The following SHISA9 variants were observed in gnomAD, a reference collection of about 807,000 sequenced individuals.
The protein encoded by SHISA9 is protein shisa-9.
SHISA9 carries 13 observed loss-of-function variants against 38.0 expected under a neutral mutation model. The ratio of observed to expected loss-of-function variants is 0.34; its 90% CI spans 0.22 to 0.54. SHISA9 has a LOEUF of 0.54. SHISA9 is among the 20% of genes least tolerant of loss of function. The pLI, the probability that SHISA9 is intolerant of heterozygous loss-of-function variation, is 0.91. For synonymous variants in SHISA9, 275 were observed against 242.0 expected (o/e 1.14, Z -1.27); for missense variants, 538 against 575.8 (o/e 0.93, Z 0.67).
intron 2 of SHISA9, among the ~76,000 whole-genome samples, chr16:12,971,661 C>T (rs752044318): frequency 2.8e-4 from 42 of 152,134 alleles, no homozygotes; most frequent in Non-Finnish European, 1.6e-4. Flanking sequence ...GCTGTAGGAA[C>T]GACATATCGT....
chr16:13,203,479 G>T lies in SHISA9; in HGVS notation c.777G>T (p.Gln259His), dbSNP rs1463248667. The T allele has an allele frequency of 6.4e-7, 1 of 1,551,388 alleles. No individual in the cohort carries two copies. The highest frequency in any genetic ancestry group is 8.7e-7 in the Non-Finnish European group (1 of 1,146,760). ...CACATTCGTACCCGAACCTGGGCCA[G>T]ATCTCCAACCCCTATGAACAGCAGC... ...GHPHSYPNLG[Q>H]ISNPYEQQPP... Residue 259 changes from glutamine (Q) to histidine (H), a missense_variant, in exon 3 of 5, where the codon CAG becomes CAT. By Grantham distance (24) the Gln-to-His change is conservative (BLOSUM62 0). Transcript: ENST00000558583.
the SHISA9 span, among the ~76,000 whole-genome samples, chr16:13,409,001 C>A: frequency 2.0e-5 from 3 of 152,308 alleles, no homozygotes; most frequent in South Asian, 2.1e-4. Flanking sequence ...GCCTGCCACA[C>A]CCCACTATCC....
chr16:13,540,281 C>G, the SHISA9 span, among the ~76,000 whole-genome samples: 2 of 152,048 alleles, frequency 1.3e-5, no homozygotes, highest in Non-Finnish European at 2.9e-5. Context: ...ACTCTTATAA[C>G]TTCAATGCAG....
At chr16:13,207,798 T>C (rs1303467239) in intron 3 of SHISA9, among the ~76,000 whole-genome samples, 2 of 152,214 alleles carry the variant, frequency 1.3e-5, no homozygotes, top group East Asian at 1.9e-4. Flanking sequence ...TAAAGCATAA[T>C]GTGATCATGG....
rs776345610 is a variant in SHISA9 at position 13,169,922 on chromosome 16, G to A, written c.692-33472G>A. On this transcript the variant is annotated intron_variant, in intron 2 of 4. Transcript: ENST00000558583. ...ATAGGTATTTAAAATACATGTTCAG[G>A]CCGGGTGCGGTGGCTCATCCCTATA... Among the ~76,000 whole-genome samples the A allele has an allele frequency of 4.3e-4, 65 of 152,096 alleles. 1 individual carries two copies. Among genetic ancestry groups the A allele is most frequent in the Non-Finnish European group, 7.8e-4 (53 of 68,018 alleles).
chr16:13,324,895 C>A, the SHISA9 span, among the ~76,000 whole-genome samples: 1 of 152,110 alleles, frequency 6.6e-6, no homozygotes, highest in African/African-American at 2.4e-5. Context: ...TATCTCAAAG[C>A]GGGGGCTTCC....
At chr16:13,542,283 T>C in the SHISA9 span, among the ~76,000 whole-genome samples, 6 of 152,326 alleles carry the variant, frequency 3.9e-5, no homozygotes, top group Non-Finnish European at 4.4e-5. Flanking sequence ...TGTGGTCATT[T>C]ATCACAGCAG....
chr16:13,179,840 C>T (rs903280822), intron 2 of SHISA9, among the ~76,000 whole-genome samples: 5 of 152,202 alleles, frequency 3.3e-5, no homozygotes, highest in Admixed American at 2.0e-4. Context: ...CCCTCTACTG[C>T]GTCTTCCTGG....
the SHISA9 span, among the ~76,000 whole-genome samples, chr16:13,306,140 T>C: frequency 6.6e-6 from 1 of 152,196 alleles, no homozygotes; most frequent in Non-Finnish European, 1.5e-5. Flanking sequence ...ACTATGTTTT[T>C]TGAATGAATG....
intron 2 of SHISA9, among the ~76,000 whole-genome samples, chr16:13,157,129 G>A (rs770023241): frequency 1.3e-5 from 2 of 151,726 alleles, no homozygotes; most frequent in Non-Finnish European, 1.5e-5. Context: ...TTCTTCTTAC[G>A]TGTTTATTCA....
chr16:12,930,649 G>A lies in SHISA9; in HGVS notation c.691+13834G>A, dbSNP rs145122684. ...TTAATATTTATGACATGACTATGTC[G>A]TGTTGATGTGAATAATAATGAAAAA... is the stretch of plus-strand genomic sequence containing the variant. On this transcript the variant is annotated intron_variant, in intron 2 of 4. Coordinates refer to ENST00000558583, the MANE Select transcript of SHISA9 (RefSeq NM_001145204.3). Among the ~76,000 whole-genome samples the A allele has an allele frequency of 5.2e-3, 795 of 152,154 alleles. 3 individuals are homozygous for A. The highest frequency in any genetic ancestry group is 8.4e-3 in the Non-Finnish European group (574 of 68,012).
At chr16:13,220,666 GA>G (rs537105534) in intron 4 of SHISA9, among the ~76,000 whole-genome samples, 19 of 150,062 alleles carry the variant, frequency 1.3e-4, no homozygotes, top group East Asian at 9.7e-4. Flanking sequence ...TGAATTTCTG[GA>G]AAAAAAAAAT....
At chr16:13,087,888 C>A (rs2073731288) in intron 2 of SHISA9, among the ~76,000 whole-genome samples, 1 of 152,056 alleles carries the variant, frequency 6.6e-6, no homozygotes, top group African/African-American at 2.4e-5. Flanking sequence ...AGTTATGAAG[C>A]CCTTGCCCAT....
intron 2 of SHISA9, among the ~76,000 whole-genome samples, chr16:13,008,474 G>A (rs1490718139): frequency 1.3e-5 from 2 of 152,116 alleles, no homozygotes; most frequent in Non-Finnish European, 2.9e-5. Flanking sequence ...TAATCCCCAC[G>A]TGTTGAGGGA....
chr16:13,540,280 A>G, the SHISA9 span, among the ~76,000 whole-genome samples: 1 of 151,892 alleles, frequency 6.6e-6, no homozygotes, highest in African/African-American at 2.4e-5. Context: ...CACTCTTATA[A>G]CTTCAATGCA....
chr16:13,264,973 C>A, the SHISA9 span, among the ~76,000 whole-genome samples: 1 of 146,460 alleles, frequency 6.8e-6, no homozygotes, highest in East Asian at 2.1e-4. Flanking sequence ...CCCTGTTTTT[C>A]CCCTCCTCTT....
intron 2 of SHISA9, among the ~76,000 whole-genome samples, chr16:13,086,418 G>T (rs2073711600): frequency 1.3e-5 from 2 of 150,142 alleles, no homozygotes; most frequent in Non-Finnish European, 1.5e-5. Flanking sequence ...CAATTTCAGA[G>T]TTAAACAACA....
chr16:13,417,323 A>G, the SHISA9 span, among the ~76,000 whole-genome samples: 1 of 152,222 alleles, frequency 6.6e-6, no homozygotes, highest in African/African-American at 2.4e-5. Context: ...TTGATAGTGA[A>G]AATGGAAGCC....
At chr16:13,094,184 T>C (rs2073803204) in intron 2 of SHISA9, among the ~76,000 whole-genome samples, 1 of 152,144 alleles carries the variant, frequency 6.6e-6, no homozygotes, top group African/African-American at 2.4e-5. Context: ...ATGACAAATT[T>C]CCCAACCGTG....
Sources: gnomAD v4.1 joint callset for allele counts (sites outside exome capture counted in the v4.1 genomes callset) on GRCh38, gnomAD v4.1.1 for gene constraint, MANE v1.5 for transcripts, NCBI Gene and HGNC (gene_info 2026-07-23, HGNC 2026-07-21) for gene names.